The following LRMDA variants were observed in gnomAD, a reference collection of about 807,000 sequenced individuals.
LRMDA encodes leucine rich melanocyte differentiation associated.
LRMDA carries 18 observed loss-of-function variants against 29.8 expected under a neutral mutation model. That is an observed-to-expected ratio of 0.60 (90% CI 0.42 to 0.90). The LOEUF (loss-of-function observed/expected upper bound fraction) is 0.90, where lower values mean the gene tolerates loss of function less well. Among genes scored for constraint, LRMDA ranks in the 40% least tolerant of loss-of-function variants. The pLI, the probability that LRMDA is intolerant of heterozygous loss-of-function variation, is 0.00. For missense variants in LRMDA, 273 were observed against 273.9 expected, an observed-to-expected ratio of 1.00 and a Z score of 0.02; for synonymous variants, 125 against 109.4, an observed-to-expected ratio of 1.14 and a Z score of -0.89.
chr10:76,014,142 A>G (rs1564630505), intron 2 of LRMDA, among the ~76,000 whole-genome samples: 1 of 126,456 alleles, frequency 7.9e-6, no homozygotes, highest in Non-Finnish European at 1.6e-5. Context: ...ATATATATAT[A>G]TAATTATATA....
chr10:76,431,256 C>T (rs987706789), intron 6 of LRMDA, among the ~76,000 whole-genome samples: 2 of 152,106 alleles, frequency 1.3e-5, no homozygotes, highest in Non-Finnish European at 2.9e-5. Flanking sequence ...GTGTTTGAGG[C>T]GGGCTGATGC....
At chr10:76,273,793 T>A (rs1376502354) in intron 5 of LRMDA, among the ~76,000 whole-genome samples, 3 of 152,098 alleles carry the variant, frequency 2.0e-5, no homozygotes, top group Non-Finnish European at 4.4e-5. Flanking sequence ...ATCAGGTGAA[T>A]GAAAAGGGCA....
At chr10:75,774,028 A>G (rs1043059960) in intron 2 of LRMDA, among the ~76,000 whole-genome samples, 1 of 152,198 alleles carries the variant, frequency 6.6e-6, no homozygotes, top group Non-Finnish European at 1.5e-5. Flanking sequence ...GGTGTTCAGT[A>G]CATGCTAAGT....
chr10:76,444,505 T>A (rs1842334217), intron 6 of LRMDA, among the ~76,000 whole-genome samples: 1 of 152,222 alleles, frequency 6.6e-6, no homozygotes, highest in Non-Finnish European at 1.5e-5. Flanking sequence ...TAAAAGTGCA[T>A]CAGTAACTTG....
intron 3 of LRMDA, among the ~76,000 whole-genome samples, chr10:76,036,578 C>T (rs1026349367): frequency 3.3e-5 from 5 of 152,190 alleles, no homozygotes; most frequent in Non-Finnish European, 7.3e-5. Flanking sequence ...TTCTGGAAGG[C>T]TCTGGGGCAG....
At chr10:75,716,251 TG>T (rs1842498139) in intron 2 of LRMDA, among the ~76,000 whole-genome samples, 4 of 152,248 alleles carry the variant, frequency 2.6e-5, no homozygotes, top group Admixed American at 1.3e-4. Context: ...TGACATCTTT[TG>T]CAATTCTTTG....
intron 2 of LRMDA, among the ~76,000 whole-genome samples, chr10:75,707,951 C>G (rs546915963): frequency 3.9e-5 from 6 of 152,172 alleles, no homozygotes; most frequent in Non-Finnish European, 8.8e-5. Context: ...TCCTTCCTTA[C>G]TTCTTGACCT....
Position 76,454,932 on chromosome 10 carries a change from T to G in LRMDA, c.602-102277T>G, listed in dbSNP as rs12257969. Among the ~76,000 whole-genome samples the G allele has an allele frequency of 4.0e-3, 608 of 152,302 alleles. 3 individuals carry two copies. The highest frequency in any genetic ancestry group is 0.014 in the African/African-American group (562 of 41,560). On this transcript the variant is annotated intron_variant, in intron 6 of 6. Coordinates refer to ENST00000611255, the MANE Select transcript of LRMDA (RefSeq NM_001305581.2). Reference sequence around the variant, plus strand: ...TGGTTTGACTGGGGCCAAGTTGTATTTCTGCTCTCTTTATTCCATGTGACT... The same window carrying G: ...TGGTTTGACTGGGGCCAAGTTGTATGTCTGCTCTCTTTATTCCATGTGACT...
At position 76,180,950 on chromosome 10, in the gene LRMDA, G is replaced by T. The variant is rs188200757; in HGVS notation, c.516+122167G>T. 2.6e-3 allele frequency among the ~76,000 whole-genome samples: 402 copies of T among 152,270 alleles called. 1 individual carries two copies. The highest frequency in any genetic ancestry group is 6.5e-3 in the African/African-American group (270 of 41,570). Reference sequence around the variant, plus strand: ...ATATCAGGACACAAGGAGGTCTCAGGGGTTACCCTGTCACTCTGGGTCGAT... The same window carrying T: ...ATATCAGGACACAAGGAGGTCTCAGTGGTTACCCTGTCACTCTGGGTCGAT... On this transcript the variant is annotated intron_variant, in intron 5 of 6. Transcript: ENST00000611255.
At chr10:76,444,780 G>A (rs1382501847) in intron 6 of LRMDA, among the ~76,000 whole-genome samples, 1 of 151,906 alleles carries the variant, frequency 6.6e-6, no homozygotes, top group East Asian at 1.9e-4. Context: ...AGGACAATGG[G>A]GAAAAAAAGT....
intron 2 of LRMDA, among the ~76,000 whole-genome samples, chr10:75,521,013 G>T (rs532300963): frequency 6.3e-4 from 96 of 152,310 alleles, no homozygotes; most frequent in South Asian, 1.7e-3. Flanking sequence ...ATCACCAGCG[G>T]AGGCTGCAGA....
rs1365601461 is a variant in LRMDA at position 75,812,105 on chromosome 10, G to A, written c.132-223903G>A. 7.3e-5 allele frequency among the ~76,000 whole-genome samples: 5 copies of A among 68,650 alleles called. No homozygotes were observed. The South Asian group carries it at 2.0e-3, about 28-fold the overall frequency. The allele number at this position is 68,650 out of a possible 152,430, so 45.0% of individuals were successfully genotyped here. On this transcript the variant is annotated intron_variant, in intron 2 of 6. Transcript: ENST00000611255. ...TAATAGTTTCTAAGGGGCTTTAATT[G>A]TGATTTTTTTTTTTTTTTTTTTTTT...
chr10:75,603,575 T>C (rs1338205629), intron 2 of LRMDA, among the ~76,000 whole-genome samples: 2 of 152,176 alleles, frequency 1.3e-5, no homozygotes, highest in African/African-American at 2.4e-5. Context: ...TGATTCCCAA[T>C]ATTTTAAGGA....
At chr10:75,687,326 A>G (rs866778913) in intron 2 of LRMDA, among the ~76,000 whole-genome samples, 1 of 152,246 alleles carries the variant, frequency 6.6e-6, no homozygotes, top group Non-Finnish European at 1.5e-5. Context: ...GTGCTACTCC[A>G]GTGAATACAT....
intron 6 of LRMDA, among the ~76,000 whole-genome samples, chr10:76,515,307 G>A (rs768929216): frequency 6.6e-6 from 1 of 152,108 alleles, no homozygotes; most frequent in East Asian, 1.9e-4. Context: ...TCAGCTAAAT[G>A]TCTAGAAAAT....
At chr10:75,905,931 T>G (rs200303962) in intron 2 of LRMDA, among the ~76,000 whole-genome samples, 1 of 30,356 alleles carries the variant, frequency 3.3e-5, no homozygotes, top group Non-Finnish European at 4.6e-5. Flanking sequence ...TAGCCAAAGG[T>G]TTTTTTTTTC....
At chr10:76,337,333 G>A (rs1039314571) in intron 6 of LRMDA, among the ~76,000 whole-genome samples, 4 of 152,154 alleles carry the variant, frequency 2.6e-5, no homozygotes, top group Non-Finnish European at 4.4e-5. Context: ...ATGGTATATC[G>A]GTACTAAGAT....
intron 2 of LRMDA, among the ~76,000 whole-genome samples, chr10:75,614,265 A>C (rs1026357428): frequency 6.6e-6 from 1 of 152,124 alleles, no homozygotes; most frequent in Non-Finnish European, 1.5e-5. Flanking sequence ...CAGCTTTAAA[A>C]TAAGCATCCA....
intron 6 of LRMDA, among the ~76,000 whole-genome samples, chr10:76,425,713 A>G (rs1255191755): frequency 6.6e-6 from 1 of 151,552 alleles, no homozygotes; most frequent in Non-Finnish European, 1.5e-5. Flanking sequence ...TTAACTTGTC[A>G]TTTACATTAG....
Sources: allele counts gnomAD v4.1 joint callset (sites outside exome capture counted in the v4.1 genomes callset), GRCh38; gene constraint gnomAD v4.1.1; transcripts MANE v1.5; gene names NCBI Gene and HGNC (gene_info 2026-07-23, HGNC 2026-07-21).